Variants in MAGI1 observed in about 807,000 individuals in gnomAD.
MAGI1 encodes membrane associated guanylate kinase, WW and PDZ domain containing 1.
A neutral mutation model predicts 139.9 loss-of-function variants in MAGI1; 58 were observed. That is an observed-to-expected ratio of 0.41 (90% confidence interval 0.34 to 0.52). MAGI1 has a LOEUF of 0.52. Ranked by LOEUF, MAGI1 falls within the 20% of genes least tolerant of loss-of-function variation. The pLI, the probability that MAGI1 is intolerant of heterozygous loss-of-function variation, is 0.12. For synonymous variants in MAGI1, 812 were observed against 737.9 expected (o/e 1.10, Z -1.63); for missense variants, 1,874 against 1,901.6 (o/e 0.99, Z 0.27).
In MAGI1 at chr3:65,634,629, C is replaced by T. The variant is rs76938526; in HGVS notation, c.314-12541G>A. Among the ~76,000 whole-genome samples, 793 of 152,230 alleles carry T rather than the reference C, an allele frequency of 5.2e-3. 4 individuals are homozygous for T. The highest frequency in any genetic ancestry group is 8.3e-3 in the Admixed American group (127 of 15,298). On this transcript the variant is annotated intron_variant, in intron 1 of 22. Coordinates refer to ENST00000402939, the MANE Select transcript of MAGI1 (RefSeq NM_001033057.2). ...GCAGCTTCATGAGATCATGCACTAA[C>T]GCAATATCCAGTATAACACATAGTA...
chr3:65,966,672 G>C lies in MAGI1; in HGVS notation c.313+71324C>G, dbSNP rs191538508. Among the ~76,000 whole-genome samples the C allele has an allele frequency of 5.1e-3, 779 of 152,256 alleles. 9 individuals are homozygous for C. Among genetic ancestry groups the C allele is most frequent in the Middle Eastern group, 0.014 (4 of 294 alleles). On this transcript the variant is annotated intron_variant, in intron 1 of 22. Transcript: ENST00000402939. ...AGATTATGGCCATAGAAATAAAATA[G>C]ATTTGTGATCAAACCCCATTGCTGC...
intron 18 of MAGI1, among the ~76,000 whole-genome samples, chr3:65,374,145 G>A (rs1045693912): frequency 3.3e-5 from 5 of 151,802 alleles, no homozygotes; most frequent in Non-Finnish European, 7.4e-5. Context: ...CTCACTTTTA[G>A]AATATATATT....
intron 2 of MAGI1, among the ~76,000 whole-genome samples, chr3:65,557,589 T>C (rs1576313236): frequency 1.3e-5 from 2 of 152,222 alleles, no homozygotes; most frequent in Non-Finnish European, 2.9e-5. Flanking sequence ...ATAATGAATA[T>C]GCTTGGTTAG....
chr3:66,038,679 C>T lies in MAGI1; in HGVS notation c.-371G>A. 1 of 187,090 alleles carries T rather than the reference C, an allele frequency of 5.3e-6. No homozygotes were observed. Among genetic ancestry groups the T allele is most frequent in the Non-Finnish European group, 1.1e-5 (1 of 91,702 alleles). The allele number at this position is 187,090 out of a possible 1,614,324, so 11.6% of individuals were successfully genotyped here. A position where few individuals can be genotyped will look rare whatever the true frequency, so the allele number is the denominator to read the frequency against. On this transcript the variant is annotated 5_prime_UTR_variant, in exon 1 of 23. Transcript: ENST00000402939. ...GCCTTTTACAAATGCGGTGCCTCCT[C>T]TTTGCCTCCCGCCCGGCTCGCCTCT...
chr3:65,452,547 G>C (rs1359702714), intron 6 of MAGI1: 2 of 151,250 alleles, frequency 1.3e-5, no homozygotes, highest in African/African-American at 4.9e-5. Context: ...ATAGACGTTG[G>C]TGTACTGAAA....
At chr3:65,770,677 A>G (rs1392259331) in intron 1 of MAGI1, among the ~76,000 whole-genome samples, 3 of 152,056 alleles carry the variant, frequency 2.0e-5, no homozygotes, top group Non-Finnish European at 4.4e-5. Context: ...TTTTTAGTAA[A>G]TTATTATTCA....
intron 2 of MAGI1, among the ~76,000 whole-genome samples, chr3:65,501,094 T>G (rs1452749381): frequency 1.3e-5 from 2 of 152,204 alleles, no homozygotes; most frequent in Non-Finnish European, 2.9e-5. Context: ...CACTACAATT[T>G]ACTTGATATC....
At chr3:65,701,852 G>C (rs2089635814) in intron 1 of MAGI1, among the ~76,000 whole-genome samples, 1 of 152,176 alleles carries the variant, frequency 6.6e-6, no homozygotes, top group Admixed American at 6.5e-5. Flanking sequence ...GGAGAAAATA[G>C]TAAGAAATGG....
At chr3:65,374,958 T>TAA (rs1295126425) in intron 18 of MAGI1, among the ~76,000 whole-genome samples, 7 of 152,194 alleles carry the variant, frequency 4.6e-5, no homozygotes, top group African/African-American at 1.4e-4. Context: ...CACAAACTCT[T>TAA]AGATTCTCCC....
chr3:65,369,503 T>G (rs1575614049), intron 18 of MAGI1, among the ~76,000 whole-genome samples: 1 of 151,496 alleles, frequency 6.6e-6, no homozygotes, highest in East Asian at 1.9e-4. Context: ...GTCCCAGACG[T>G]GATGGATTCT....
intron 1 of MAGI1, among the ~76,000 whole-genome samples, chr3:66,002,122 G>C (rs1439500889): frequency 6.6e-6 from 1 of 152,160 alleles, no homozygotes; most frequent in African/African-American, 2.4e-5. Flanking sequence ...TGGCAATAAA[G>C]GGGCCTGCAT....
rs565095330 is a variant in MAGI1, at chr3:66,015,626, T to C, written c.313+22370A>G. 3.9e-5 allele frequency among the ~76,000 whole-genome samples: 6 copies of C among 152,332 alleles called. No individual in the cohort carries two copies. The South Asian group carries it at 8.3e-4, about 21-fold the overall frequency. ...GGGTACATATATGCTAGATATTCTA[T>C]AGCTACTGCCTTAAAATAACAATTA... On this transcript the variant is annotated intron_variant, in intron 1 of 22. Coordinates refer to ENST00000402939, the MANE Select transcript of MAGI1 (RefSeq NM_001033057.2).
chr3:65,403,301 C>T (rs1460686550), intron 12 of MAGI1, among the ~76,000 whole-genome samples: 2 of 152,106 alleles, frequency 1.3e-5, no homozygotes, highest in African/African-American at 4.8e-5. Flanking sequence ...AGTTATCTTG[C>T]ACTAACTAGA....
chr3:65,361,119 G>A (rs750607233), intron 22 of MAGI1, 80 bp downstream of exon 22: 3 of 1,613,046 alleles, frequency 1.9e-6, no homozygotes, highest in Admixed American at 1.7e-5. Context: ...AAACAAAAAA[G>A]ACTTTCCTGC....
At chr3:65,869,610 C>T (rs1233620126) in intron 1 of MAGI1, among the ~76,000 whole-genome samples, 1 of 151,892 alleles carries the variant, frequency 6.6e-6, no homozygotes, top group Non-Finnish European at 1.5e-5. Flanking sequence ...CTGTGTTAGC[C>T]AGGATGGTCT....
At chr3:65,817,605 C>T (rs1314543029) in intron 1 of MAGI1, among the ~76,000 whole-genome samples, 1 of 152,100 alleles carries the variant, frequency 6.6e-6, no homozygotes, top group African/African-American at 2.4e-5. Context: ...CAAGATGAAG[C>T]CAGGTTAACA....
chr3:65,499,043 T>G (rs113609151), intron 2 of MAGI1: 1 of 973,010 alleles, frequency 1.0e-6, no homozygotes, highest in South Asian at 4.8e-5. Flanking sequence ...CTCAAACAGA[T>G]AGAAGAAAAC....
At chr3:65,646,915 G>C (rs1302779007) in intron 1 of MAGI1, among the ~76,000 whole-genome samples, 1 of 151,740 alleles carries the variant, frequency 6.6e-6, no homozygotes, top group Non-Finnish European at 1.5e-5. Context: ...AAATTTACAG[G>C]GATCACATTA....
chr3:65,726,277 C>T (rs2033599324), intron 1 of MAGI1, among the ~76,000 whole-genome samples: 1 of 151,990 alleles, frequency 6.6e-6, no homozygotes, highest in Non-Finnish European at 1.5e-5. Context: ...TAATATTTCA[C>T]AATGAGAAAC....
Sources: gnomAD v4.1 joint callset for allele counts (sites outside exome capture counted in the v4.1 genomes callset) on GRCh38, gnomAD v4.1.1 for gene constraint, MANE v1.5 for transcripts, NCBI Gene and HGNC (gene_info 2026-07-23, HGNC 2026-07-21) for gene names.